Variants in NRG2 observed in about 807,000 individuals in gnomAD.
NRG2 encodes pro-neuregulin-2, membrane-bound isoform.
In NRG2, 27 loss-of-function variants were observed where a neutral mutation model predicts 73.9. The observed-to-expected ratio is 0.37, with a 90% CI of 0.27 to 0.50. The LOEUF (loss-of-function observed/expected upper bound fraction) is 0.50. Among genes scored for constraint, NRG2 ranks in the 20% least tolerant of loss-of-function variants. NRG2 has a pLI of 0.96. For synonymous variants in NRG2, 532 were observed against 541.0 expected, an observed-to-expected ratio of 0.98 and a Z score of 0.23; for missense variants, 1,126 against 1,210.1, an observed-to-expected ratio of 0.93 and a Z score of 1.03.
chr5:139,882,705 G>A (rs3777101), intron 2 of NRG2, among the ~76,000 whole-genome samples: 2,329 of 152,184 alleles, frequency 0.015, 59 homozygotes, highest in South Asian at 0.11. Context: ...CTGAGGGTCC[G>A]GGGGTGGGGG....
rs1193984695 is a variant in NRG2 at position 140,033,804 on chromosome 5, C to T, written c.700+8566G>A. On this transcript the variant is annotated intron_variant, in intron 1 of 9. Transcript: ENST00000361474. Reference sequence around the variant, plus strand: ...ACATTGGTTAATAATTAACATTTTTCAATCAAGTGATATGTTAATTATTTT... The same window carrying T: ...ACATTGGTTAATAATTAACATTTTTTAATCAAGTGATATGTTAATTATTTT... Among the ~76,000 whole-genome samples, 7 of 152,166 alleles carry T rather than the reference C, an allele frequency of 4.6e-5. No individual in the cohort carries two copies. In the East Asian group the frequency reaches 1.2e-3, roughly 25 times the overall value.
chr5:139,974,599 A>G (rs957554535), intron 1 of NRG2, among the ~76,000 whole-genome samples: 2 of 151,902 alleles, frequency 1.3e-5, no homozygotes, highest in Non-Finnish European at 2.9e-5. Context: ...AATATAATTT[A>G]CCAATAGTTT....
intron 1 of NRG2, among the ~76,000 whole-genome samples, chr5:139,932,008 A>G (rs1752499739): frequency 6.6e-6 from 1 of 152,252 alleles, no homozygotes; most frequent in South Asian, 2.1e-4. Flanking sequence ...TGGTACGGCC[A>G]TTATGGAAAA....
intron 1 of NRG2, among the ~76,000 whole-genome samples, chr5:140,013,421 A>G (rs1759524486): frequency 6.6e-6 from 1 of 152,228 alleles, no homozygotes; most frequent in Non-Finnish European, 1.5e-5. Context: ...TTCAGTTCAG[A>G]AAGACAAAAA....
At chr5:139,881,223 T>C (rs754127359) in intron 2 of NRG2, among the ~76,000 whole-genome samples, 2 of 152,138 alleles carry the variant, frequency 1.3e-5, no homozygotes, top group Non-Finnish European at 2.9e-5. Flanking sequence ...GTCCTAAATC[T>C]ATGATCCCTC....
chr5:139,977,420 T>C (rs1756457742), intron 1 of NRG2, among the ~76,000 whole-genome samples: 1 of 152,174 alleles, frequency 6.6e-6, no homozygotes, highest in African/African-American at 2.4e-5. Flanking sequence ...AACTCAAGTC[T>C]GCTCCAAATT....
At chr5:139,983,297 G>A (rs754092368) in intron 1 of NRG2, among the ~76,000 whole-genome samples, 7 of 152,328 alleles carry the variant, frequency 4.6e-5, no homozygotes, top group Admixed American at 1.3e-4. Context: ...TGAGTCCCAA[G>A]GCACCCAGGG....
intron 1 of NRG2, among the ~76,000 whole-genome samples, chr5:139,976,183 C>T (rs987752010): frequency 2.6e-5 from 4 of 152,188 alleles, no homozygotes; most frequent in African/African-American, 9.7e-5. Context: ...ACACTCTCGA[C>T]AATCCTGCTT....
chr5:139,967,074 T>C (rs992236952), intron 1 of NRG2, among the ~76,000 whole-genome samples: 4 of 152,140 alleles, frequency 2.6e-5, no homozygotes, highest in Admixed American at 2.0e-4. Context: ...ATGCCAGTCA[T>C]GTGGGAATCA....
intron 1 of NRG2, among the ~76,000 whole-genome samples, chr5:139,974,450 C>G (rs554080494): frequency 1.3e-5 from 2 of 152,274 alleles, no homozygotes; most frequent in South Asian, 2.1e-4. Context: ...AGGCTGTGGT[C>G]TGGCAAACAG....
intron 9 of NRG2, among the ~76,000 whole-genome samples, chr5:139,850,795 C>T (rs536867556): frequency 8.5e-5 from 13 of 152,184 alleles, no homozygotes; most frequent in Non-Finnish European, 1.9e-4. Flanking sequence ...ACCCTGGGGT[C>T]TTGTTGCTGC....
intron 1 of NRG2, among the ~76,000 whole-genome samples, chr5:139,961,722 C>T (rs963484501): frequency 1.3e-5 from 2 of 152,142 alleles, no homozygotes; most frequent in African/African-American, 2.4e-5. Context: ...CCCCCTGCTC[C>T]CTGCTGAGAG....
At position 140,034,751 on chromosome 5, in the gene NRG2, A is replaced by T. The variant is rs1212637206; in HGVS notation, c.700+7619T>A. Among the ~76,000 whole-genome samples the T allele has an allele frequency of 2.0e-5, 3 of 152,228 alleles. No homozygotes were observed. The East Asian group carries it at 5.8e-4, about 29-fold the overall frequency. On this transcript the variant is annotated intron_variant, in intron 1 of 9. Transcript: ENST00000361474. ...AATGAATAATACCATTTATAATAAC[A>T]TGAATAGAATACCATAGCAAAAAAA...
rs1322364786 is a variant in NRG2 at position 139,851,986 on chromosome 5, GC to G, written c.1545-156del. Among the ~76,000 whole-genome samples the G allele has an allele frequency of 3.9e-5, 6 of 152,300 alleles. No individual in the cohort carries two copies. The East Asian group carries it at 1.2e-3, about 29-fold the overall frequency. On this transcript the variant is annotated intron_variant, in intron 8 of 9. Transcript: ENST00000361474. The surrounding 1 kb of genome is among the most constrained non-coding windows in gnomAD (Gnocchi z 4.2). ...TGGGGTGATGTGTATTGTTGCAAAT[GC>G]CCAACCCCAATATTGGAAGAAGGAG...
chr5:139,946,964 T>C (rs1459371172), intron 1 of NRG2, among the ~76,000 whole-genome samples: 1 of 151,780 alleles, frequency 6.6e-6, no homozygotes, highest in Non-Finnish European at 1.5e-5. Context: ...GTCAAGACTA[T>C]AGTGAGATAC....
intron 1 of NRG2, among the ~76,000 whole-genome samples, chr5:139,981,761 T>C (rs571671593): frequency 6.6e-6 from 1 of 152,354 alleles, no homozygotes; most frequent in South Asian, 2.1e-4. Flanking sequence ...GCTTTGCATG[T>C]CCATTTAGTC....
At chr5:139,909,572 T>C (rs1765457627) in intron 1 of NRG2, among the ~76,000 whole-genome samples, 1 of 152,176 alleles carries the variant, frequency 6.6e-6, no homozygotes, top group Non-Finnish European at 1.5e-5. Context: ...TGTTTGCCCG[T>C]GAGTTAAAAG....
intron 1 of NRG2, among the ~76,000 whole-genome samples, chr5:139,982,716 A>G (rs1756900454): frequency 6.6e-6 from 1 of 152,188 alleles, no homozygotes; most frequent in South Asian, 2.1e-4. Context: ...ATTTCTTTAC[A>G]ACTTTCGGGT....
rs1177525429 is a variant in NRG2 at position 140,008,252 on chromosome 5, C to G, written c.700+34118G>C. On this transcript the variant is annotated intron_variant, in intron 1 of 9. Transcript: ENST00000361474. This position sits in a 1 kb window ranked among gnomAD's most constrained non-coding sequence, Gnocchi z 4.2. ...TGAAGCTCTAGTGTTGCTACTACCA[C>G]ATCCTTCGAGTAGCCTAGTAAACCT... Among the ~76,000 whole-genome samples the G allele has an allele frequency of 6.6e-6, 1 of 152,248 alleles. No homozygotes were observed. Among genetic ancestry groups the G allele is most frequent in the Non-Finnish European group, 1.5e-5 (1 of 68,048 alleles).
Sources: allele counts gnomAD v4.1 joint callset (sites outside exome capture counted in the v4.1 genomes callset), GRCh38; gene constraint gnomAD v4.1.1; non-coding constraint Gnocchi (gnomAD v3.1); transcripts MANE v1.5; gene names NCBI Gene and HGNC (gene_info 2026-07-23, HGNC 2026-07-21).